The following VPS53 variants were observed in gnomAD, a reference collection of about 807,000 sequenced individuals.
VPS53 encodes the protein VPS53 subunit of GARP complex.
VPS53 carries 70 observed loss-of-function variants against 107.0 expected under a neutral mutation model. The ratio of observed to expected loss-of-function variants is 0.65; its 90% CI spans 0.54 to 0.80. VPS53 has a LOEUF of 0.80. Ranked by LOEUF, VPS53 falls within the 30% of genes least tolerant of loss-of-function variation. The pLI is 0.00. For synonymous variants in VPS53, 409 were observed against 393.3 expected, an observed-to-expected ratio of 1.04 and a Z score of -0.47; for missense variants, 917 against 1,049.4, an observed-to-expected ratio of 0.87 and a Z score of 1.74.
intron 13 of VPS53, among the ~76,000 whole-genome samples, chr17:571,532 G>A (rs11654277): frequency 0.14 from 18,270 of 132,174 alleles, 1,197 homozygotes; most frequent in South Asian, 0.2. Context: ...CTCTCCCTAC[G>A]GTCTCCCTCT....
At chr17:690,870 T>C (rs77673039) in intron 4 of VPS53, among the ~76,000 whole-genome samples, 3,285 of 152,302 alleles carry the variant, frequency 0.022, 115 homozygotes, top group African/African-American at 0.075. Flanking sequence ...TTAGAAAATC[T>C]AGAAAAATCA....
At chr17:635,752 C>G (rs1276480691) in intron 7 of VPS53, among the ~76,000 whole-genome samples, 3 of 152,278 alleles carry the variant, frequency 2.0e-5, no homozygotes, top group African/African-American at 7.2e-5. Context: ...TTCCATTGAT[C>G]TACATCTCTG....
chr17:632,027 C>T (rs560063232), intron 7 of VPS53, among the ~76,000 whole-genome samples: 3 of 152,240 alleles, frequency 2.0e-5, no homozygotes, highest in Admixed American at 1.3e-4. Flanking sequence ...GTGAGAGGGT[C>T]GCTTGAGACC....
chr17:635,755 C>A (rs1046201645), intron 7 of VPS53, among the ~76,000 whole-genome samples: 3 of 152,080 alleles, frequency 2.0e-5, no homozygotes, highest in Non-Finnish European at 4.4e-5. Flanking sequence ...CATTGATCTA[C>A]ATCTCTGTTT....
At chr17:643,904 G>T (rs900755994) in intron 7 of VPS53, among the ~76,000 whole-genome samples, 5 of 152,352 alleles carry the variant, frequency 3.3e-5, no homozygotes, top group East Asian at 1.9e-4. Flanking sequence ...AGCTGTGCAG[G>T]CCTGTCCATT....
chr17:655,110 T>C (rs1488412268), intron 6 of VPS53, among the ~76,000 whole-genome samples: 3 of 152,186 alleles, frequency 2.0e-5, no homozygotes, highest in African/African-American at 7.2e-5. Flanking sequence ...GCGCTTTCCC[T>C]GTCCACATAC....
intron 13 of VPS53, among the ~76,000 whole-genome samples, chr17:584,393 G>A (rs1030750444): frequency 5.9e-5 from 9 of 152,170 alleles, no homozygotes; most frequent in African/African-American, 1.4e-4. Flanking sequence ...CACAGTCTTC[G>A]GCTGTTAGTT....
chr17:572,695 T>C (rs1012204007), intron 13 of VPS53, among the ~76,000 whole-genome samples: 6 of 150,606 alleles, frequency 4.0e-5, no homozygotes, highest in Non-Finnish European at 8.8e-5. Context: ...GAAAAATTCT[T>C]CTGCCTTGGG....
intron 1 of VPS53, among the ~76,000 whole-genome samples, chr17:712,177 C>CTTTTT (rs35522489): frequency 1.0e-5 from 1 of 98,464 alleles, no homozygotes. Flanking sequence ...TGACTTTCGC[C>CTTTTT]TTTTTTTTTT....
intron 2 of VPS53, among the ~76,000 whole-genome samples, chr17:708,051 C>A (rs1973485595): frequency 6.6e-6 from 1 of 152,082 alleles, no homozygotes; most frequent in Admixed American, 6.6e-5. Context: ...TTTAGAAGGG[C>A]CTTCTGTAGG....
chr17:696,413 T>G (rs1427117083), intron 4 of VPS53, among the ~76,000 whole-genome samples: 1 of 152,158 alleles, frequency 6.6e-6, no homozygotes, highest in African/African-American at 2.4e-5. Flanking sequence ...GGATGAACAT[T>G]TTTAGAAATT....
At chr17:583,911 C>T (rs933574529) in intron 13 of VPS53, among the ~76,000 whole-genome samples, 1 of 152,076 alleles carries the variant, frequency 6.6e-6, no homozygotes, top group African/African-American at 2.4e-5. Flanking sequence ...TCATGCGTTC[C>T]CAGGGAACCT....
At chr17:684,881 G>A (rs559394041) in intron 4 of VPS53, among the ~76,000 whole-genome samples, 6 of 152,116 alleles carry the variant, frequency 3.9e-5, no homozygotes, top group East Asian at 3.9e-4. Flanking sequence ...CCAGCGACTC[G>A]AGAGATTGAG....
At chr17:648,347 C>T (rs1330232722) in intron 7 of VPS53, among the ~76,000 whole-genome samples, 1 of 152,108 alleles carries the variant, frequency 6.6e-6, no homozygotes, top group Non-Finnish European at 1.5e-5. Flanking sequence ...GTCAAGAGTT[C>T]GAGACCAGCC....
intron 4 of VPS53, among the ~76,000 whole-genome samples, chr17:688,872 G>C (rs904052539): frequency 2.6e-5 from 4 of 152,220 alleles, no homozygotes; most frequent in Non-Finnish European, 5.9e-5. Context: ...CCCAGGTCAT[G>C]TCCAAACCTC....
intron 2 of VPS53, among the ~76,000 whole-genome samples, chr17:708,585 C>A (rs1040244223): frequency 1.3e-5 from 2 of 152,140 alleles, no homozygotes; most frequent in Non-Finnish European, 2.9e-5. Flanking sequence ...TCAGGCCCCC[C>A]ACGAGAGCTG....
intron 7 of VPS53, among the ~76,000 whole-genome samples, chr17:651,476 A>G (rs1488225269): frequency 2.6e-5 from 4 of 152,188 alleles, no homozygotes; most frequent in Admixed American, 6.5e-5. Flanking sequence ...TTGTAGTCCC[A>G]GCTGCTTGGG....
At chr17:617,658 C>T (rs1269739419) in intron 11 of VPS53, among the ~76,000 whole-genome samples, 3 of 149,386 alleles carry the variant, frequency 2.0e-5, no homozygotes, top group East Asian at 2.0e-4. Flanking sequence ...TGCACCACCA[C>T]GCCCCACTAA....
intron 17 of VPS53, among the ~76,000 whole-genome samples, chr17:543,652 C>T (rs79954859): frequency 6.6e-6 from 1 of 151,594 alleles, no homozygotes; most frequent in African/African-American, 2.4e-5. Context: ...GGATTTAAAT[C>T]TAAAAGATAG....
Sources: allele counts gnomAD v4.1 joint callset (sites outside exome capture counted in the v4.1 genomes callset), GRCh38; gene constraint gnomAD v4.1.1; transcripts MANE v1.5; gene names NCBI Gene and HGNC (gene_info 2026-07-23, HGNC 2026-07-21).